The following RBFOX1 variants were observed in gnomAD, a reference collection of about 807,000 sequenced individuals.
RBFOX1 encodes RNA binding protein fox-1 homolog 1.
A neutral mutation model predicts 57.7 loss-of-function variants in RBFOX1; 8 were observed. The observed-to-expected ratio is 0.14, with a 90% CI of 0.08 to 0.25. The LOEUF is 0.25. RBFOX1 is among the 10% of genes least tolerant of loss of function. RBFOX1 has a pLI of 1.00. For synonymous variants in RBFOX1, 326 were observed against 222.4 expected, an observed-to-expected ratio of 1.47 and a Z score of -4.15; for missense variants, 611 against 548.5, an observed-to-expected ratio of 1.11 and a Z score of -1.14.
chr16:7,103,956 A>G (rs1050342034), intron 4 of RBFOX1, among the ~76,000 whole-genome samples: 1 of 152,182 alleles, frequency 6.6e-6, no homozygotes, highest in Admixed American at 6.6e-5. Flanking sequence ...TCTTCCAAGT[A>G]TCCGTTGGTT....
At chr16:7,696,947 C>T (rs536860570) in intron 14 of RBFOX1, among the ~76,000 whole-genome samples, 14 of 152,084 alleles carry the variant, frequency 9.2e-5, no homozygotes, top group African/African-American at 2.7e-4. Context: ...GTGTGGCCCA[C>T]GGATATGAGT....
At chr16:5,286,862 A>G (rs1271630477) in intron 1 of RBFOX1, among the ~76,000 whole-genome samples, 7 of 152,254 alleles carry the variant, frequency 4.6e-5, no homozygotes, top group Non-Finnish European at 5.9e-5. Context: ...AATTTAATTT[A>G]TACAAACAGT....
At chr16:5,712,255 G>T (rs943546946) in intron 3 of RBFOX1, among the ~76,000 whole-genome samples, 2 of 152,194 alleles carry the variant, frequency 1.3e-5, no homozygotes, top group Non-Finnish European at 2.9e-5. Flanking sequence ...TTTGAGTGGG[G>T]ACACGAAGCC....
chr16:7,308,005 T>C (rs2096231982), intron 4 of RBFOX1, among the ~76,000 whole-genome samples: 1 of 152,220 alleles, frequency 6.6e-6, no homozygotes, highest in Admixed American at 6.5e-5. Context: ...GGAACCATTC[T>C]TGCTTTGAGG....
At chr16:7,438,393 T>A (rs1283385182) in intron 4 of RBFOX1, among the ~76,000 whole-genome samples, 1 of 152,002 alleles carries the variant, frequency 6.6e-6, no homozygotes, top group Non-Finnish European at 1.5e-5. Context: ...GTGAGACAGG[T>A]TCATTTTATT....
chr16:7,227,299 C>CCCCA (rs1175994932), intron 4 of RBFOX1, among the ~76,000 whole-genome samples: 1 of 134,558 alleles, frequency 7.4e-6, no homozygotes, highest in Non-Finnish European at 1.7e-5. Context: ...CACCCCCACA[C>CCCCA]ACACACACAG....
chr16:6,674,572 T>C (rs774311059), intron 3 of RBFOX1, among the ~76,000 whole-genome samples: 1 of 152,142 alleles, frequency 6.6e-6, no homozygotes, highest in Non-Finnish European at 1.5e-5. Flanking sequence ...TCCACCCACC[T>C]CAGCCTCCCA....
At chr16:6,026,057 C>A (rs2095187338) in intron 1 of RBFOX1, among the ~76,000 whole-genome samples, 1 of 152,180 alleles carries the variant, frequency 6.6e-6, no homozygotes, top group Non-Finnish European at 1.5e-5. Flanking sequence ...TCGATTCCTG[C>A]TCATCCTTCA....
chr16:7,686,367 C>G (rs866710430), intron 14 of RBFOX1, among the ~76,000 whole-genome samples: 5 of 152,056 alleles, frequency 3.3e-5, no homozygotes. Context: ...CTTTTTCAAC[C>G]TGTGCCTTGG....
intron 14 of RBFOX1, among the ~76,000 whole-genome samples, chr16:7,685,662 G>A (rs1402033482): frequency 6.6e-6 from 1 of 152,046 alleles, no homozygotes; most frequent in Non-Finnish European, 1.5e-5. Context: ...GCTAGTATTT[G>A]CAGTGAATAT....
At chr16:7,562,126 A>T (rs1228414280) in intron 5 of RBFOX1, among the ~76,000 whole-genome samples, 1 of 152,238 alleles carries the variant, frequency 6.6e-6, no homozygotes, top group Non-Finnish European at 1.5e-5. Context: ...TTATGAGACC[A>T]TTAACACAGA....
At chr16:7,475,078 G>C (rs943878680) in intron 4 of RBFOX1, among the ~76,000 whole-genome samples, 10 of 152,122 alleles carry the variant, frequency 6.6e-5, no homozygotes, top group African/African-American at 2.2e-4. Context: ...TGAGAGTTCA[G>C]AAGAGTTTAA....
At chr16:6,682,600 G>T (rs922336559) in intron 3 of RBFOX1, among the ~76,000 whole-genome samples, 1 of 152,054 alleles carries the variant, frequency 6.6e-6, no homozygotes, top group African/African-American at 2.4e-5. Context: ...CTGAGCAGCA[G>T]TTCTGGCCTC....
At chr16:7,088,219 G>T (rs2151050788) in intron 4 of RBFOX1, among the ~76,000 whole-genome samples, 1 of 152,316 alleles carries the variant, frequency 6.6e-6, no homozygotes, top group South Asian at 2.1e-4. Flanking sequence ...GTCTAGGGAA[G>T]TCGGGTTAGA....
intron 2 of RBFOX1, among the ~76,000 whole-genome samples, chr16:5,585,977 C>G (rs1021540193): frequency 1.3e-5 from 2 of 152,086 alleles, no homozygotes; most frequent in African/African-American, 4.8e-5. Flanking sequence ...GGAATAAATT[C>G]AGGGATGTCA....
At chr16:6,313,982 T>C (rs1303408423) in intron 1 of RBFOX1, among the ~76,000 whole-genome samples, 1 of 152,102 alleles carries the variant, frequency 6.6e-6, no homozygotes, top group African/African-American at 2.4e-5. Context: ...CTAAATGACT[T>C]TACAGGTTCT....
At chr16:5,791,526 C>G (rs1390985667) in intron 3 of RBFOX1, among the ~76,000 whole-genome samples, 2 of 152,118 alleles carry the variant, frequency 1.3e-5, no homozygotes, top group East Asian at 3.9e-4. Context: ...CTGCCTGGCA[C>G]AGTAACTGAC....
chr16:5,386,464 G>A (rs992610476), intron 1 of RBFOX1, among the ~76,000 whole-genome samples: 1 of 152,118 alleles, frequency 6.6e-6, no homozygotes, highest in African/African-American at 2.4e-5. Flanking sequence ...AGAAGCCAAA[G>A]CTGTCAGCTT....
At chr16:6,677,526 A>C (rs2057941518) in intron 3 of RBFOX1, among the ~76,000 whole-genome samples, 1 of 152,224 alleles carries the variant, frequency 6.6e-6, no homozygotes, top group Admixed American at 6.5e-5. Context: ...TATCAAAAAC[A>C]TCAGGGAGCT....
Sources: gnomAD v4.1 joint callset for allele counts (sites outside exome capture counted in the v4.1 genomes callset) on GRCh38, gnomAD v4.1.1 for gene constraint, MANE v1.5 for transcripts, NCBI Gene and HGNC (gene_info 2026-07-23, HGNC 2026-07-21) for gene names.